Variants in PLCE1 observed in about 807,000 individuals in gnomAD.
PLCE1 encodes phospholipase C epsilon 1.
Under a neutral mutation model 242.8 loss-of-function variants are expected in PLCE1, and 119 were observed. The observed-to-expected ratio is 0.49, with a 90% CI of 0.42 to 0.57. PLCE1 has a LOEUF of 0.57. Ranked by LOEUF, PLCE1 falls within the 20% of genes least tolerant of loss-of-function variation. The pLI is 0.00. For synonymous variants in PLCE1, 945 were observed against 1,017.4 expected (o/e 0.93, Z 1.35); for missense variants, 2,441 against 2,788.8 (o/e 0.88, Z 2.81).
chr10:94,309,804 G>A (rs2053328460), intron 27 of PLCE1, among the ~76,000 whole-genome samples: 1 of 152,142 alleles, frequency 6.6e-6, no homozygotes, highest in South Asian at 2.1e-4. Flanking sequence ...GGAGGCCAAG[G>A]CAGAAGGATA....
chr10:94,150,928 G>C (rs1267336747), intron 3 of PLCE1, among the ~76,000 whole-genome samples: 2 of 152,114 alleles, frequency 1.3e-5, no homozygotes, highest in Non-Finnish European at 2.9e-5. Flanking sequence ...TGGGCATGGG[G>C]GTTCACAGAT....
intron 4 of PLCE1, among the ~76,000 whole-genome samples, chr10:94,217,154 C>T (rs1339984326): frequency 6.6e-6 from 1 of 151,722 alleles, no homozygotes; most frequent in African/African-American, 2.4e-5. Flanking sequence ...AGCTAGTTTA[C>T]TCACTCTGAA....
At position 94,031,127 on chromosome 10, in the gene PLCE1, T is replaced by C; in HGVS notation, c.81T>C (p.Asp27=). The change falls in exon 2 of 33, where the codon GAT becomes GAC. Residue 27 remains aspartate (D), a synonymous_variant. Coordinates refer to ENST00000371380, the MANE Select transcript of PLCE1 (RefSeq NM_016341.4). ...TGGTTTCTGCCCAGTCGGCTGCAGA[T>C]GAAAGTAGTGAAAAGGTCTCAGACA... The part of the protein sequence containing the change: ...RKVVSAQSAA[D]ESSEKVSDIN... 1.9e-6 allele frequency: 3 copies of C among 1,613,872 alleles called. No homozygotes were observed. The highest frequency in any genetic ancestry group is 2.5e-6 in the Non-Finnish European group (3 of 1,179,844).
At chr10:94,117,526 A>G (rs2046170422) in intron 2 of PLCE1, among the ~76,000 whole-genome samples, 1 of 152,176 alleles carries the variant, frequency 6.6e-6, no homozygotes, top group Non-Finnish European at 1.5e-5. Context: ...ATTACTGGTA[A>G]TGTCCATTAT....
chr10:94,220,379 TATATATA>T (rs2049692013), intron 4 of PLCE1, among the ~76,000 whole-genome samples: 4 of 30,962 alleles, frequency 1.3e-4, no homozygotes, highest in African/African-American at 2.4e-4. Flanking sequence ...AAACATTTTA[TATATATA>T]TATATATATA....
chr10:94,089,026 A>G (rs2044954317), intron 2 of PLCE1: 15 of 1,546,092 alleles, frequency 9.7e-6, no homozygotes, highest in Non-Finnish European at 1.2e-5. Context: ...AACACTCATC[A>G]CCCTGCACGT....
At chr10:94,198,242 T>C (rs1490870223) in intron 4 of PLCE1, among the ~76,000 whole-genome samples, 4 of 152,192 alleles carry the variant, frequency 2.6e-5, no homozygotes, top group Non-Finnish European at 5.9e-5. Context: ...GGATTATATG[T>C]ATAAACAGGA....
chr10:94,008,857 C>T (rs2061105556), intron 1 of PLCE1, among the ~76,000 whole-genome samples: 1 of 152,044 alleles, frequency 6.6e-6, no homozygotes, highest in African/African-American at 2.4e-5. Context: ...GGAAGGAGAC[C>T]TATTCATTTT....
At chr10:94,258,750 C>T in intron 11 of PLCE1, 50 bp from the exon 12 acceptor site, 1 of 1,613,192 alleles carries the variant, frequency 6.2e-7, no homozygotes, top group South Asian at 1.1e-5. Flanking sequence ...GGGACAGAAT[C>T]ACAACAGTGG....
chr10:94,252,375 A>G lies in PLCE1; in HGVS notation c.3156A>G (p.Arg1052=), dbSNP rs758246552. 1 of 1,614,150 alleles carries G rather than the reference A, an allele frequency of 6.2e-7. No individual in the cohort carries two copies. Among genetic ancestry groups the G allele is most frequent in the Admixed American group, 1.7e-5 (1 of 60,010 alleles). Residue 1052 remains arginine, a synonymous_variant, in exon 9 of 33, where the codon AGA becomes AGG. Coordinates refer to ENST00000371380, the MANE Select transcript of PLCE1 (RefSeq NM_016341.4). Reference sequence around the variant, plus strand: ...ACGCTGTGGAGTTGTTTGGTGGCAGACGGTGGAGTGCTCGAAACCCCAGCC... The same window carrying G: ...ACGCTGTGGAGTTGTTTGGTGGCAGGCGGTGGAGTGCTCGAAACCCCAGCC... ...LAHAVELFGG[R]RWSARNPSPG... is the part of the protein sequence containing the mutation.
chr10:94,066,630 A>T (rs866454073), intron 2 of PLCE1, among the ~76,000 whole-genome samples: 1 of 152,078 alleles, frequency 6.6e-6, no homozygotes, highest in Non-Finnish European at 1.5e-5. Context: ...ATTTTAATGC[A>T]CTATTCCCAT....
chr10:94,297,882 A>T (rs1166517119), intron 23 of PLCE1, among the ~76,000 whole-genome samples: 3 of 151,914 alleles, frequency 2.0e-5, no homozygotes, highest in Non-Finnish European at 4.4e-5. Flanking sequence ...CCTATGAAAA[A>T]CAATGCTGGA....
intron 11 of PLCE1, among the ~76,000 whole-genome samples, chr10:94,255,490 G>C (rs997920314): frequency 1.4e-4 from 22 of 152,128 alleles, no homozygotes; most frequent in Non-Finnish European, 1.9e-4. Flanking sequence ...ATTGCAGAAA[G>C]TTCTATTGGA....
chr10:94,214,826 A>G (rs1431437422), intron 4 of PLCE1, among the ~76,000 whole-genome samples: 8 of 152,210 alleles, frequency 5.3e-5, no homozygotes, highest in Admixed American at 3.9e-4. Flanking sequence ...CATGGTCTCC[A>G]AACATCGTGA....
intron 20 of PLCE1, chr10:94,283,424 C>T (rs1489002738): frequency 2.0e-5 from 6 of 293,406 alleles, no homozygotes; most frequent in South Asian, 3.3e-5. Flanking sequence ...CCTTCCCAAA[C>T]GTGTGTGCTG....
chr10:94,199,206 C>A (rs2048916862), intron 4 of PLCE1, among the ~76,000 whole-genome samples: 1 of 152,180 alleles, frequency 6.6e-6, no homozygotes, highest in African/African-American at 2.4e-5. Flanking sequence ...TAATTGGCCA[C>A]TAAAAGCATT....
chr10:94,326,023 A>C (rs1417629127), intron 32 of PLCE1, among the ~76,000 whole-genome samples: 2 of 152,194 alleles, frequency 1.3e-5, no homozygotes, highest in African/African-American at 2.4e-5. Flanking sequence ...ATCTTAAAGC[A>C]AATTATTTAC....
rs370393298 is a variant in PLCE1, at chr10:94,235,657, T to C, written c.2215-258T>C. On this transcript the variant is annotated intron_variant, in intron 6 of 32. Transcript: ENST00000371380. ...ATCTTCTCCTTAGGGAGCCCTGAAA[T>C]AATATTTTTTTTGTTTTAAATTTGA... 1,637 of 894,152 alleles carry C rather than the reference T, an allele frequency of 1.8e-3. 12 individuals are homozygous for C. In the South Asian group the frequency reaches 0.02, roughly 11 times the overall value. 55.4% of individuals were successfully genotyped at this position (894,152 alleles called of 1,614,324 possible).
At chr10:94,006,423 A>G (rs1367704173) in intron 1 of PLCE1, among the ~76,000 whole-genome samples, 8 of 152,224 alleles carry the variant, frequency 5.3e-5, no homozygotes, top group African/African-American at 9.6e-5. Context: ...ACCGTGAGCT[A>G]TGGAATCAAC....
Sources: gnomAD v4.1 joint callset for allele counts (sites outside exome capture counted in the v4.1 genomes callset) on GRCh38, gnomAD v4.1.1 for gene constraint, MANE v1.5 for transcripts, NCBI Gene and HGNC (gene_info 2026-07-23, HGNC 2026-07-21) for gene names.